CTNNA2: variants seen among roughly 807,000 people sequenced by gnomAD.
CTNNA2 encodes catenin alpha 2, also known as catenin alpha-2.
A neutral mutation model predicts 101.0 loss-of-function variants in CTNNA2; 42 were observed. The observed-to-expected ratio is 0.42, with a 90% CI of 0.32 to 0.54. CTNNA2 has a LOEUF of 0.54. Ranked by LOEUF, CTNNA2 falls within the 20% of genes least tolerant of loss-of-function variation. CTNNA2 has a pLI of 0.14. For synonymous variants in CTNNA2, 450 were observed against 456.4 expected, an observed-to-expected ratio of 0.99 and a Z score of 0.18; for missense variants, 871 against 1,223.1, an observed-to-expected ratio of 0.71 and a Z score of 4.29.
intron 7 of CTNNA2, among the ~76,000 whole-genome samples, chr2:80,364,140 C>T (rs192232911): frequency 3.3e-5 from 5 of 152,074 alleles, no homozygotes; most frequent in African/African-American, 4.8e-5. Flanking sequence ...TTCAGGTCCT[C>T]GGAGACCCTT....
At chr2:79,840,003 A>T (rs1679682011) in intron 3 of CTNNA2, among the ~76,000 whole-genome samples, 1 of 152,176 alleles carries the variant, frequency 6.6e-6, no homozygotes, top group Non-Finnish European at 1.5e-5. Flanking sequence ...CCACTAAAAC[A>T]TTCTTATCTG....
chr2:79,875,257 C>A (rs997316176), intron 6 of CTNNA2, among the ~76,000 whole-genome samples: 7 of 152,140 alleles, frequency 4.6e-5, no homozygotes, highest in African/African-American at 1.2e-4. Context: ...ATGACAGCCC[C>A]CATTCCCCCC....
intron 2 of CTNNA2, among the ~76,000 whole-genome samples, chr2:79,731,510 T>A (rs1687191984): frequency 6.6e-6 from 1 of 152,074 alleles, no homozygotes; most frequent in Non-Finnish European, 1.5e-5. Context: ...TGTGATAGCT[T>A]GTGGCTACCC....
chr2:80,383,481 A>G (rs1410013139), intron 7 of CTNNA2, among the ~76,000 whole-genome samples: 1 of 152,114 alleles, frequency 6.6e-6, no homozygotes, highest in African/African-American at 2.4e-5. Context: ...CCGCACAAAA[A>G]CTTATTAGGT....
At chr2:79,548,909 T>A (rs184922860) in intron 1 of CTNNA2, among the ~76,000 whole-genome samples, 5 of 152,214 alleles carry the variant, frequency 3.3e-5, no homozygotes, top group South Asian at 4.1e-4. Flanking sequence ...TGTACCCAAC[T>A]CCCAATCCCA....
At chr2:79,202,606 T>C (rs1422611625) in intron 2 of CTNNA2, among the ~76,000 whole-genome samples, 1 of 152,220 alleles carries the variant, frequency 6.6e-6, no homozygotes, top group South Asian at 2.1e-4. Flanking sequence ...ACATCTTCAA[T>C]GCTTCTGTCA....
intron 7 of CTNNA2, among the ~76,000 whole-genome samples, chr2:80,106,726 C>G (rs207461968): frequency 6.6e-6 from 1 of 152,124 alleles, no homozygotes; most frequent in African/African-American, 2.4e-5. Context: ...CTGCCATTCG[C>G]TGGCAGGTGC....
chr2:79,532,346 A>G (rs1293330438), intron 1 of CTNNA2, among the ~76,000 whole-genome samples: 1 of 152,108 alleles, frequency 6.6e-6, no homozygotes, highest in Non-Finnish European at 1.5e-5. Context: ...CTGTGAATTT[A>G]GGAGGTAAAA....
At chr2:80,443,588 TAA>T (rs1682796504) in intron 9 of CTNNA2, among the ~76,000 whole-genome samples, 1 of 152,172 alleles carries the variant, frequency 6.6e-6, no homozygotes, top group East Asian at 1.9e-4. Context: ...AGTGTGTGGT[TAA>T]GTGTAGAATG....
intron 9 of CTNNA2, among the ~76,000 whole-genome samples, chr2:80,470,970 G>A (rs1685255119): frequency 6.6e-6 from 1 of 152,142 alleles, no homozygotes; most frequent in African/African-American, 2.4e-5. Flanking sequence ...CTGGAGTGGA[G>A]GGGGGTTTCC....
chr2:80,388,452 C>T (rs530703991), intron 7 of CTNNA2, among the ~76,000 whole-genome samples: 1 of 152,306 alleles, frequency 6.6e-6, no homozygotes, highest in East Asian at 1.9e-4. Context: ...CTGTCAATTC[C>T]CAGCCCTTTC....
Position 80,647,873 on chromosome 2 carries a change from G to T in CTNNA2, c.*1G>T. 2 of 1,568,328 alleles carry T rather than the reference G, an allele frequency of 1.3e-6. No individual in the cohort carries two copies. Among genetic ancestry groups the T allele is most frequent in the Non-Finnish European group, 1.7e-6 (2 of 1,158,068 alleles). ...ATTCAAAGCAATGGATTCCTTCTAGGACGATAGGTTTTAACAAGAAAGCTT... is the reference window on the plus strand; with the variant it reads ...ATTCAAAGCAATGGATTCCTTCTAGTACGATAGGTTTTAACAAGAAAGCTT... On this transcript the variant is annotated 3_prime_UTR_variant, in exon 19 of 19. Coordinates refer to ENST00000402739, the MANE Select transcript of CTNNA2 (RefSeq NM_001282597.3).
At chr2:80,393,188 A>T in intron 7 of CTNNA2, 23 bp from the exon 8 acceptor site, 1 of 1,564,512 alleles carries the variant, frequency 6.4e-7, no homozygotes, top group Non-Finnish European at 8.7e-7. Context: ...CTAAATCAGA[A>T]ATTATTTCTC....
chr2:79,564,813 T>A (rs1222266929), intron 1 of CTNNA2, among the ~76,000 whole-genome samples: 1 of 152,194 alleles, frequency 6.6e-6, no homozygotes, highest in Non-Finnish European at 1.5e-5. Context: ...TTCTTCTTCT[T>A]CTTTCGCTCT....
At chr2:80,140,949 C>T (rs1217306365) in intron 7 of CTNNA2, among the ~76,000 whole-genome samples, 1 of 152,128 alleles carries the variant, frequency 6.6e-6, no homozygotes, top group Non-Finnish European at 1.5e-5. Context: ...TAACAGTGCA[C>T]CAGCCCAAAT....
intron 3 of CTNNA2, among the ~76,000 whole-genome samples, chr2:79,764,975 TAGTG>T (rs199738455): frequency 1.3e-3 from 196 of 152,148 alleles, no homozygotes; most frequent in African/African-American, 4.6e-3. Flanking sequence ...GTGTTAGAAA[TAGTG>T]AGAGTAATTA....
chr2:80,396,025 G>A (rs530536692), intron 8 of CTNNA2, among the ~76,000 whole-genome samples: 2 of 152,114 alleles, frequency 1.3e-5, no homozygotes, highest in Non-Finnish European at 2.9e-5. Flanking sequence ...CCACCAAATT[G>A]AAAAGAAACA....
At chr2:79,210,397 T>A (rs1162157235) in intron 2 of CTNNA2, among the ~76,000 whole-genome samples, 2 of 151,774 alleles carry the variant, frequency 1.3e-5, no homozygotes, top group Admixed American at 1.3e-4. Context: ...GGAAATAGAG[T>A]TCATTTTTTT....
At chr2:80,519,688 C>T (rs1396716996) in intron 9 of CTNNA2, among the ~76,000 whole-genome samples, 8 of 152,164 alleles carry the variant, frequency 5.3e-5, no homozygotes, top group Non-Finnish European at 1.5e-5. Flanking sequence ...GCTGACTTTT[C>T]TGTTTGGTAA....
Sources: allele counts gnomAD v4.1 joint callset (sites outside exome capture counted in the v4.1 genomes callset), GRCh38; gene constraint gnomAD v4.1.1; transcripts MANE v1.5; gene names NCBI Gene and HGNC (gene_info 2026-07-23, HGNC 2026-07-21).